Variants in KIF16B observed in about 807,000 individuals in gnomAD.
KIF16B encodes the protein kinesin family member 16B.
A neutral mutation model predicts 156.3 loss-of-function variants in KIF16B; 98 were observed. The ratio of observed to expected loss-of-function variants is 0.63; its 90% CI spans 0.53 to 0.74. The LOEUF (loss-of-function observed/expected upper bound fraction) is 0.74, where lower values mean the gene tolerates loss of function less well. KIF16B is among the 30% of genes least tolerant of loss of function. The pLI is 0.00. For missense variants in KIF16B, 1,421 were observed against 1,606.5 expected, an observed-to-expected ratio of 0.88 and a Z score of 1.97; for synonymous variants, 564 against 583.7, an observed-to-expected ratio of 0.97 and a Z score of 0.49.
chr20:16,506,056 G>A lies in KIF16B; in HGVS notation c.834C>T (p.Ser278=). ...RLKEGGNINK[S]LVTLGNVISA... Reference sequence around the variant, plus strand: ...AAATGACGTTCCCCAGAGTCACGAGGGACTTGTTAATATTTCCCCCTTCCT... The same window carrying A: ...AAATGACGTTCCCCAGAGTCACGAGAGACTTGTTAATATTTCCCCCTTCCT... Residue 278 remains serine, a synonymous_variant, in exon 8 of 26, where the codon TCC becomes TCT. Coordinates refer to ENST00000354981, the MANE Select transcript of KIF16B (RefSeq NM_024704.5). 1 of 1,614,076 alleles carries A rather than the reference G, an allele frequency of 6.2e-7. No homozygotes were observed. Among genetic ancestry groups the A allele is most frequent in the Non-Finnish European group, 8.5e-7 (1 of 1,179,982 alleles).
At chr20:16,326,423 A>G (rs2063850361) in intron 24 of KIF16B, among the ~76,000 whole-genome samples, 1 of 151,978 alleles carries the variant, frequency 6.6e-6, no homozygotes, top group Non-Finnish European at 1.5e-5. Context: ...AATAATATCC[A>G]GAATCTATAA....
intron 17 of KIF16B, among the ~76,000 whole-genome samples, chr20:16,400,857 T>C (rs1477303615): frequency 6.6e-6 from 1 of 152,076 alleles, no homozygotes; most frequent in Non-Finnish European, 1.5e-5. Context: ...AAGGAGGGAA[T>C]GGAAGTTATA....
chr20:16,538,795 G>A (rs1281396072), intron 1 of KIF16B, among the ~76,000 whole-genome samples: 1 of 152,168 alleles, frequency 6.6e-6, no homozygotes, highest in Admixed American at 6.5e-5. Flanking sequence ...CTGGTGGGAG[G>A]TGATTGGATC....
intron 23 of KIF16B, among the ~76,000 whole-genome samples, chr20:16,344,438 T>C (rs1220015366): frequency 2.6e-5 from 4 of 152,204 alleles, no homozygotes; most frequent in African/African-American, 7.2e-5. Context: ...GTGCTGACTC[T>C]GCCTGGCTAT....
At chr20:16,297,697 GAAAAA>G (rs35929179) in intron 25 of KIF16B, among the ~76,000 whole-genome samples, 3 of 103,956 alleles carry the variant, frequency 2.9e-5, no homozygotes, top group African/African-American at 1.1e-4. Context: ...CTCCATCTCA[GAAAAA>G]AAAAAAAAAA....
At chr20:16,403,944 C>G in intron 17 of KIF16B, among the ~76,000 whole-genome samples, 1 of 152,144 alleles carries the variant, frequency 6.6e-6, no homozygotes, top group Non-Finnish European at 1.5e-5. Context: ...TCAGATAGAC[C>G]TGGATGCATG....
intron 24 of KIF16B, among the ~76,000 whole-genome samples, chr20:16,335,152 G>A (rs1196947179): frequency 6.6e-6 from 1 of 152,160 alleles, no homozygotes; most frequent in Non-Finnish European, 1.5e-5. Flanking sequence ...ACCAATAATT[G>A]GTGAAAGCAG....
intron 12 of KIF16B, among the ~76,000 whole-genome samples, chr20:16,490,595 C>T (rs917900233): frequency 1.3e-5 from 2 of 152,016 alleles, no homozygotes; most frequent in African/African-American, 4.8e-5. Context: ...AGGATACACA[C>T]AGGGAGACCA....
At chr20:16,317,142 T>A (rs578118079) in intron 24 of KIF16B, among the ~76,000 whole-genome samples, 19 of 152,206 alleles carry the variant, frequency 1.2e-4, no homozygotes, top group Non-Finnish European at 2.5e-4. Context: ...CCCTCTCAAG[T>A]ACTTTATATT....
chr20:16,412,271 T>C, intron 15 of KIF16B, among the ~76,000 whole-genome samples: 1 of 151,708 alleles, frequency 6.6e-6, no homozygotes, highest in Admixed American at 6.6e-5. Context: ...ACAAGTGGTG[T>C]TAGTGGGAGC....
At chr20:16,555,881 G>A (rs1475024796) in intron 1 of KIF16B, among the ~76,000 whole-genome samples, 3 of 152,202 alleles carry the variant, frequency 2.0e-5, no homozygotes, top group Admixed American at 2.0e-4. Context: ...AGAGAAGGAG[G>A]AATGGATTAT....
chr20:16,501,471 C>T (rs2068623954), intron 10 of KIF16B, among the ~76,000 whole-genome samples: 1 of 151,624 alleles, frequency 6.6e-6, no homozygotes, highest in Non-Finnish European at 1.5e-5. Flanking sequence ...AACATATGTA[C>T]TCCTCTGACT....
chr20:16,477,212 A>AT (rs2146807376), intron 12 of KIF16B, among the ~76,000 whole-genome samples: 1 of 149,142 alleles, frequency 6.7e-6, no homozygotes, highest in Non-Finnish European at 1.5e-5. Context: ...TCTCCTTAAA[A>AT]AAAAAAAAAG....
chr20:16,381,490 T>C (rs1371119754), intron 18 of KIF16B, among the ~76,000 whole-genome samples: 2 of 150,438 alleles, frequency 1.3e-5, no homozygotes, highest in African/African-American at 4.9e-5. Flanking sequence ...AAGATGAACG[T>C]TTAAAAAAAT....
intron 15 of KIF16B, among the ~76,000 whole-genome samples, chr20:16,410,094 CATAT>C (rs34212669): frequency 7.4e-5 from 5 of 67,358 alleles, no homozygotes; most frequent in Non-Finnish European, 1.0e-4. Flanking sequence ...TATGTAGGTA[CATAT>C]ATATATATGT....
intron 19 of KIF16B, among the ~76,000 whole-genome samples, chr20:16,377,961 C>T (rs970192567): frequency 3.9e-5 from 6 of 152,138 alleles, no homozygotes; most frequent in African/African-American, 1.4e-4. Flanking sequence ...CAGTAAATCA[C>T]CAAACATGTT....
intron 1 of KIF16B, among the ~76,000 whole-genome samples, chr20:16,529,965 T>C (rs543868058): frequency 6.6e-6 from 1 of 152,160 alleles, no homozygotes; most frequent in African/African-American, 2.4e-5. Context: ...CAGAAAAAAC[T>C]GTAGTCCTGA....
chr20:16,424,346 C>T (rs769407959), intron 15 of KIF16B, among the ~76,000 whole-genome samples: 10 of 152,076 alleles, frequency 6.6e-5, no homozygotes, highest in Non-Finnish European at 1.5e-4. Context: ...CTTTGACGGA[C>T]ATTATGCACC....
intron 1 of KIF16B, among the ~76,000 whole-genome samples, chr20:16,531,240 AG>A (rs199917534): frequency 0.011 from 1,623 of 152,324 alleles, 38 homozygotes; most frequent in African/African-American, 0.037. Flanking sequence ...GAAAGATCAA[AG>A]GATCTGTCTC....
Sources: gnomAD v4.1 joint callset for allele counts (sites outside exome capture counted in the v4.1 genomes callset) on GRCh38, gnomAD v4.1.1 for gene constraint, MANE v1.5 for transcripts, NCBI Gene and HGNC (gene_info 2026-07-23, HGNC 2026-07-21) for gene names.